SHC3: variants seen among roughly 807,000 people sequenced by gnomAD.
SHC3 encodes SHC-transforming protein 3.
A neutral mutation model predicts 60.4 loss-of-function variants in SHC3; 15 were observed. The observed-to-expected ratio is 0.25, with a 90% CI of 0.17 to 0.38. SHC3 has a LOEUF of 0.38. SHC3 is among the 10% of genes least tolerant of loss of function. The pLI is 1.00. For synonymous variants in SHC3, 294 were observed against 325.9 expected (o/e 0.90, Z 1.05); for missense variants, 677 against 786.1 (o/e 0.86, Z 1.66).
At chr9:89,177,575 C>A (rs1229470989) in intron 1 of SHC3, among the ~76,000 whole-genome samples, 4 of 152,172 alleles carry the variant, frequency 2.6e-5, no homozygotes, top group Non-Finnish European at 4.4e-5. Context: ...GGAGTAGGGC[C>A]GCCACTCCGT....
intron 1 of SHC3, among the ~76,000 whole-genome samples, chr9:89,175,819 G>A (rs769430483): frequency 2.0e-5 from 3 of 151,968 alleles, no homozygotes; most frequent in Non-Finnish European, 4.4e-5. Context: ...TCTAAATAAC[G>A]CCAAATTAAG....
chr9:89,089,361 C>T (rs751423634), intron 2 of SHC3, among the ~76,000 whole-genome samples: 4 of 152,142 alleles, frequency 2.6e-5, no homozygotes, highest in Admixed American at 1.3e-4. Context: ...CCATGTGCAA[C>T]GCTGATCTTG....
chr9:89,033,278 CTAAG>C (rs1038969513), intron 11 of SHC3, among the ~76,000 whole-genome samples: 1 of 152,022 alleles, frequency 6.6e-6, no homozygotes, highest in Non-Finnish European at 1.5e-5. Context: ...TCTATACAGA[CTAAG>C]TGAACAAATT....
At chr9:89,075,012 T>C in intron 4 of SHC3, 97 bp downstream of exon 4, 2 of 1,468,598 alleles carry the variant, frequency 1.4e-6, no homozygotes, top group Non-Finnish European at 1.8e-6. Context: ...ACACAAAATA[T>C]GCTATGTGAG....
At chr9:89,109,338 C>G in intron 2 of SHC3, 1 of 915,386 alleles carries the variant, frequency 1.1e-6, no homozygotes, top group Non-Finnish European at 1.3e-6. Context: ...TGGTTGGCCC[C>G]TCCCTTTCAG....
At chr9:89,176,616 A>G (rs894729132) in intron 1 of SHC3, among the ~76,000 whole-genome samples, 2 of 152,196 alleles carry the variant, frequency 1.3e-5, no homozygotes, top group African/African-American at 4.8e-5. Context: ...GCCCCTGGTT[A>G]TATAATTTAA....
At chr9:89,077,942 G>T (rs751283760) in intron 2 of SHC3, 39 bp from the exon 3 acceptor site, 6 of 1,611,314 alleles carry the variant, frequency 3.7e-6, no homozygotes, top group Non-Finnish European at 5.1e-6. Context: ...TTACGTGTCA[G>T]TCGGGATTAT....
chr9:89,093,076 T>C (rs1329941256), intron 2 of SHC3, among the ~76,000 whole-genome samples: 2 of 152,224 alleles, frequency 1.3e-5, no homozygotes, highest in Middle Eastern at 3.2e-3. Context: ...ACTGTGGACA[T>C]ACATTTTTAT....
intron 1 of SHC3, among the ~76,000 whole-genome samples, chr9:89,122,733 C>A (rs1252821731): frequency 6.6e-6 from 1 of 152,122 alleles, no homozygotes; most frequent in Admixed American, 6.6e-5. Context: ...ACTGAGTCAA[C>A]CTTTGGAGAC....
chr9:89,097,740 A>G (rs1274018819), intron 2 of SHC3, among the ~76,000 whole-genome samples: 2 of 152,196 alleles, frequency 1.3e-5, no homozygotes, highest in African/African-American at 4.8e-5. Context: ...CCACCAGAGG[A>G]TGCCTCCCAG....
At chr9:89,125,944 C>G (rs766402688) in intron 1 of SHC3, among the ~76,000 whole-genome samples, 20 of 152,138 alleles carry the variant, frequency 1.3e-4, no homozygotes, top group Non-Finnish European at 2.6e-4. Flanking sequence ...TTCTTTTATT[C>G]CTTTACTTTC....
At chr9:89,113,093 A>G (rs1040166626) in intron 1 of SHC3, among the ~76,000 whole-genome samples, 2 of 152,150 alleles carry the variant, frequency 1.3e-5, no homozygotes, top group African/African-American at 4.8e-5. Flanking sequence ...TTTCATCAAC[A>G]TTAAATGTCA....
At chr9:89,028,669 T>C (rs1225873854) in intron 11 of SHC3, among the ~76,000 whole-genome samples, 1 of 146,564 alleles carries the variant, frequency 6.8e-6, no homozygotes, top group Non-Finnish European at 1.5e-5. Flanking sequence ...TAGATATAGC[T>C]ATCTATATAA....
intron 6 of SHC3, among the ~76,000 whole-genome samples, chr9:89,060,897 A>G (rs1239234564): frequency 1.3e-5 from 2 of 151,980 alleles, no homozygotes; most frequent in East Asian, 3.9e-4. Flanking sequence ...AGAACTGGGG[A>G]AGTCGGGAAG....
At chr9:89,065,426 C>T in intron 6 of SHC3, 103 bp downstream of exon 6, 5 of 1,201,342 alleles carry the variant, frequency 4.2e-6, no homozygotes, top group Non-Finnish European at 4.9e-6. Context: ...GATGGCACTA[C>T]TCATTTGTTG....
rs554305468 is a variant in SHC3 at position 89,028,573 on chromosome 9, G to C, written c.1656+9420C>G. 2.1e-5 allele frequency among the ~76,000 whole-genome samples: 3 copies of C among 144,600 alleles called. No individual in the cohort carries two copies. The South Asian group carries it at 6.5e-4, about 31-fold the overall frequency. 94.9% of individuals were successfully genotyped at this position (144,600 alleles called of 152,430 possible). A position where few individuals can be genotyped will look rare whatever the true frequency, so the allele number is the denominator to read the frequency against. On this transcript the variant is annotated intron_variant, in intron 11 of 11. Transcript: ENST00000375835. ...TAGATATATATCTAATCTAGATATA[G>C]ATATATATTACACACATGTTTATGT...
At chr9:89,082,873 C>T (rs145958279) in intron 2 of SHC3, among the ~76,000 whole-genome samples, 7 of 152,320 alleles carry the variant, frequency 4.6e-5, no homozygotes, top group Non-Finnish European at 8.8e-5. Context: ...CCCACTGGCC[C>T]GCTCATCTCC....
chr9:89,071,328 G>T, intron 4 of SHC3, 76 bp from the exon 5 acceptor site: 2 of 1,454,352 alleles, frequency 1.4e-6, no homozygotes, highest in Non-Finnish European at 1.9e-6. Context: ...CTGTTTGTTG[G>T]CAGGCATTAC....
intron 2 of SHC3, among the ~76,000 whole-genome samples, chr9:89,086,066 G>A (rs923156253): frequency 6.6e-6 from 1 of 152,176 alleles, no homozygotes; most frequent in African/African-American, 2.4e-5. Flanking sequence ...CCTGGCATGG[G>A]GCACATGCAA....
Sources: gnomAD v4.1 joint callset for allele counts (sites outside exome capture counted in the v4.1 genomes callset) on GRCh38, gnomAD v4.1.1 for gene constraint, MANE v1.5 for transcripts, NCBI Gene and HGNC (gene_info 2026-07-23, HGNC 2026-07-21) for gene names.